The following MYL12B variants were observed in gnomAD, a reference collection of about 807,000 sequenced individuals.
The protein encoded by MYL12B is myosin regulatory light chain 12B.
A neutral mutation model predicts 12.9 loss-of-function variants in MYL12B; 3 were observed. That is an observed-to-expected ratio of 0.23 (90% CI 0.11 to 0.60). The LOEUF is 0.60. Ranked by LOEUF, MYL12B falls within the 20% of genes least tolerant of loss-of-function variation. The pLI, the probability that MYL12B is intolerant of heterozygous loss-of-function variation, is 0.89. For synonymous variants in MYL12B, 57 were observed against 71.9 expected, an observed-to-expected ratio of 0.79 and a Z score of 1.05; for missense variants, 120 against 215.4, an observed-to-expected ratio of 0.56 and a Z score of 2.77.
intron 1 of MYL12B, among the ~76,000 whole-genome samples, chr18:3,263,878 A>G (rs943103114): frequency 6.6e-6 from 1 of 152,228 alleles, no homozygotes; most frequent in Non-Finnish European, 1.5e-5. Context: ...TCCTGAGTAC[A>G]GATCCTGACT....
Position 3,272,984 on chromosome 18 carries a change from CACAGATTCAGGAGTTCAAAGAGGCCTTCA to C in MYL12B, c.90_118del (p.Gln30HisfsTer3). ...AATGTGTTTGCCATGTTTGACCAGT[CACAGATTCAGGAGTTCAAAGAGGCCTTCA>C]ACATGATTGATCAGAACAGAGATGG... On this transcript the variant is annotated frameshift_variant, in exon 2 of 4. Coordinates refer to ENST00000237500, the MANE Select transcript of MYL12B (RefSeq NM_033546.4). LOFTEE classifies it high-confidence loss of function. The C allele has an allele frequency of 6.2e-7, 1 of 1,612,734 alleles. No homozygotes were observed. Among genetic ancestry groups the C allele is most frequent in the South Asian group, 1.1e-5 (1 of 90,996 alleles).
At chr18:3,276,786 C>T in intron 2 of MYL12B, 1 of 441,626 alleles carries the variant, frequency 2.3e-6, no homozygotes, top group Non-Finnish European at 3.0e-6. Flanking sequence ...CCTGCAATCC[C>T]ATCACTTTGG....
intron 1 of MYL12B, chr18:3,262,840 T>C (rs1407189268): frequency 6.6e-6 from 1 of 152,236 alleles, no homozygotes; most frequent in Non-Finnish European, 1.5e-5. Flanking sequence ...TTACATAGAG[T>C]TGTAATTCGC....
intron 2 of MYL12B, among the ~76,000 whole-genome samples, chr18:3,274,163 T>G (rs995217498): frequency 1.3e-5 from 2 of 152,242 alleles, no homozygotes; most frequent in Non-Finnish European, 2.9e-5. Context: ...ACCTAGTGTT[T>G]CTCACATTCA....
At chr18:3,266,224 A>G (rs1418985264) in intron 1 of MYL12B, among the ~76,000 whole-genome samples, 1 of 152,210 alleles carries the variant, frequency 6.6e-6, no homozygotes, top group Admixed American at 6.5e-5. Flanking sequence ...TCAGCCTCCA[A>G]GATGGCTGAC....
At chr18:3,271,025 C>G (rs561556520) in intron 1 of MYL12B, among the ~76,000 whole-genome samples, 1 of 152,104 alleles carries the variant, frequency 6.6e-6, no homozygotes, top group Non-Finnish European at 1.5e-5. Context: ...TTCTAAATAA[C>G]TCGATTACAA....
Position 3,277,323 on chromosome 18 carries a change from G to T in MYL12B, c.255G>T (p.Met85Ile). 1 of 1,614,002 alleles carries T rather than the reference G, an allele frequency of 6.2e-7. No homozygotes were observed. Among genetic ancestry groups the T allele is most frequent in the Non-Finnish European group, 8.5e-7 (1 of 1,179,882 alleles). Reference protein sequence around the residue: ...NEAPGPINFTMFLTMFGEKLN... With the variant: ...NEAPGPINFTIFLTMFGEKLN... ...CCCCAGGGCCCATCAATTTCACCATGTTCCTGACCATGTTTGGTGAGAAGT... is the reference window on the plus strand; with the variant it reads ...CCCCAGGGCCCATCAATTTCACCATTTTCCTGACCATGTTTGGTGAGAAGT... Residue 85 changes from methionine (M) to isoleucine (I), a missense_variant, in exon 3 of 4, where the codon ATG (methionine) becomes ATT (isoleucine). Coordinates refer to ENST00000237500, the MANE Select transcript of MYL12B (RefSeq NM_033546.4).
At chr18:3,268,188 C>G (rs959922519) in intron 1 of MYL12B, among the ~76,000 whole-genome samples, 1 of 152,146 alleles carries the variant, frequency 6.6e-6, no homozygotes, top group Admixed American at 6.5e-5. Flanking sequence ...TTCCTACATG[C>G]CTGCCTTTGA....
intron 1 of MYL12B, among the ~76,000 whole-genome samples, chr18:3,269,903 T>C (rs928532939): frequency 5.3e-5 from 8 of 152,214 alleles, no homozygotes; most frequent in African/African-American, 1.9e-4. Context: ...TCTTCCTGAT[T>C]AGAGCGTAAG....
chr18:3,269,790 A>G (rs145202198), intron 1 of MYL12B, among the ~76,000 whole-genome samples: 308 of 152,378 alleles, frequency 2.0e-3, no homozygotes, highest in Non-Finnish European at 3.5e-3. Flanking sequence ...TAAACATCTA[A>G]GAGGAAAATG....
chr18:3,272,881 C>G lies in MYL12B; in HGVS notation c.-15-3C>G. ...ACGTTTTTGTGTTTTTTTTTTAATCCAGAATTAAACAACCACCATGTCGAG... is the reference window on the plus strand; with the variant it reads ...ACGTTTTTGTGTTTTTTTTTTAATCGAGAATTAAACAACCACCATGTCGAG... On this transcript the variant is annotated splice_polypyrimidine_tract_variant and splice_region_variant and intron_variant, in intron 1 of 3. Coordinates refer to ENST00000237500, the MANE Select transcript of MYL12B (RefSeq NM_033546.4). 6.6e-7 allele frequency: 1 copy of G among 1,512,036 alleles called. No individual in the cohort carries two copies. The highest frequency in any genetic ancestry group is 1.3e-5 in the South Asian group (1 of 74,552). 93.7% of individuals were successfully genotyped at this position (1,512,036 alleles called of 1,614,324 possible). A position where few individuals can be genotyped will look rare whatever the true frequency, so the allele number is the denominator to read the frequency against.
chr18:3,276,570 T>C (rs940276477), intron 2 of MYL12B: 1 of 985,100 alleles, frequency 1.0e-6, no homozygotes, highest in Non-Finnish European at 1.2e-6. Context: ...CAAAATAAGC[T>C]GCCAATTCAA....
intron 1 of MYL12B, chr18:3,263,286 G>C (rs1386070114): frequency 6.6e-6 from 1 of 152,220 alleles, no homozygotes; most frequent in Non-Finnish European, 1.5e-5. Flanking sequence ...TTTAGTTTAA[G>C]GTAGATTTGG....
Position 3,278,200 on chromosome 18 carries a change from T to A in MYL12B, c.*263T>A, listed in dbSNP as rs954605320. The A allele has an allele frequency of 3.5e-5, 11 of 310,734 alleles. No individual in the cohort carries two copies. The highest frequency in any genetic ancestry group is 5.9e-5 in the Non-Finnish European group (10 of 170,126). The allele number at this position is 310,734 out of a possible 1,614,324, so 19.2% of individuals were successfully genotyped here. A position where few individuals can be genotyped will look rare whatever the true frequency, so the allele number is the denominator to read the frequency against. ...AAAGCCCAGAAAAATATATTCGTAT[T>A]TCTGGTTTTGCTGGATTTTTACATT... On this transcript the variant is annotated 3_prime_UTR_variant, in exon 4 of 4. Transcript: ENST00000237500.
chr18:3,277,541 T>C (rs2081743485), intron 3 of MYL12B, 127 bp downstream of exon 3: 2 of 1,429,788 alleles, frequency 1.4e-6, no homozygotes, highest in African/African-American at 2.9e-5. Flanking sequence ...AAGCATATGA[T>C]CTGTTTCTGA....
At chr18:3,264,921 CTT>C (rs1372290647) in intron 1 of MYL12B, among the ~76,000 whole-genome samples, 2 of 152,126 alleles carry the variant, frequency 1.3e-5, no homozygotes, top group African/African-American at 4.8e-5. Context: ...ATTATAAAAA[CTT>C]ATTAAGGTTT....
At chr18:3,277,142 A>C in intron 2 of MYL12B, 111 bp from the exon 3 acceptor site, 1 of 1,259,100 alleles carries the variant, frequency 7.9e-7, no homozygotes, top group South Asian at 2.4e-5. Flanking sequence ...TTGAAAAATT[A>C]GTTTCAAATG....
In MYL12B at chr18:3,277,984, T is replaced by G; in HGVS notation, c.*47T>G. The G allele has an allele frequency of 1.3e-6, 2 of 1,587,960 alleles. No homozygotes were observed. The highest frequency in any genetic ancestry group is 1.7e-6 in the Non-Finnish European group (2 of 1,166,096). On this transcript the variant is annotated 3_prime_UTR_variant, in exon 4 of 4. Coordinates refer to ENST00000237500, the MANE Select transcript of MYL12B (RefSeq NM_033546.4). ...CCAGTTACATTGTCTTACTCTCTTT[T>G]ACTTCTCAGACACTTCCCCCACCCT... is the stretch of plus-strand genomic sequence containing the variant.
At chr18:3,272,843 A>G (rs2081692277) in intron 1 of MYL12B, 41 bp from the exon 2 acceptor site, 9 of 1,488,498 alleles carry the variant, frequency 6.0e-6, no homozygotes, top group African/African-American at 1.4e-5. Flanking sequence ...TGTTTTATAC[A>G]TTGTTTTGTT....
Sources: gnomAD v4.1 joint callset for allele counts (sites outside exome capture counted in the v4.1 genomes callset) on GRCh38, gnomAD v4.1.1 for gene constraint, MANE v1.5 for transcripts, NCBI Gene and HGNC (gene_info 2026-07-23, HGNC 2026-07-21) for gene names.